ZNF277: variants seen among roughly 807,000 people sequenced by gnomAD.
ZNF277 encodes the protein zinc finger protein 277, also known as nuclear receptor-interacting factor 4.
In ZNF277, 55 loss-of-function variants were observed where a neutral mutation model predicts 60.7. The observed-to-expected ratio is 0.91, with a 90% CI of 0.73 to 1.13. ZNF277 has a LOEUF of 1.13. Among genes scored for constraint, ZNF277 ranks in the 50% most tolerant of loss-of-function variants. The pLI is 0.00. For missense variants in ZNF277, 510 were observed against 523.0 expected, an observed-to-expected ratio of 0.98 and a Z score of 0.24; for synonymous variants, 178 against 179.3, an observed-to-expected ratio of 0.99 and a Z score of 0.06.
chr7:112,281,174 G>A (rs1163153764), intron 1 of ZNF277, among the ~76,000 whole-genome samples: 1 of 152,190 alleles, frequency 6.6e-6, no homozygotes, highest in Non-Finnish European at 1.5e-5. Flanking sequence ...CACAATCCTC[G>A]TGTGATCATC....
chr7:112,318,762 G>A (rs186645251), intron 5 of ZNF277, among the ~76,000 whole-genome samples: 5 of 152,028 alleles, frequency 3.3e-5, no homozygotes, highest in East Asian at 3.9e-4. Context: ...ATATTTAAGG[G>A]CACAGGCTCA....
chr7:112,238,647 C>T (rs1286947381), intron 1 of ZNF277, among the ~76,000 whole-genome samples: 1 of 152,048 alleles, frequency 6.6e-6, no homozygotes, highest in African/African-American at 2.4e-5. Flanking sequence ...GCAGAGACTC[C>T]ATCCTTGGTC....
rs1282300717 is a variant in ZNF277, at chr7:112,330,192, C to T, written c.777C>T (p.Asp259=). Residue 259 remains aspartate (D), a synonymous_variant, in exon 7 of 12, where the codon GAC becomes GAT. Coordinates refer to ENST00000361822, the MANE Select transcript of ZNF277 (RefSeq NM_021994.3). ...RKINPKNREY[D]RFYVINYLEL... ...TTAATCCTAAGAACAGAGAATATGA[C>T]AGATTTTATGTCATCAATTATTTGG... 3.1e-6 allele frequency: 5 copies of T among 1,612,494 alleles called. No homozygotes were observed. The highest frequency in any genetic ancestry group is 1.3e-5 in the African/African-American group (1 of 74,864).
chr7:112,263,373 G>A (rs926782382), intron 1 of ZNF277, among the ~76,000 whole-genome samples: 1 of 152,182 alleles, frequency 6.6e-6, no homozygotes, highest in Non-Finnish European at 1.5e-5. Flanking sequence ...CTGACCCATT[G>A]GGATGAGTTT....
intron 1 of ZNF277, among the ~76,000 whole-genome samples, chr7:112,273,750 C>T (rs563791730): frequency 5.3e-5 from 8 of 151,886 alleles, no homozygotes; most frequent in Non-Finnish European, 7.4e-5. Flanking sequence ...AGCGAGACTC[C>T]GTCTAAAAAA....
At chr7:112,275,541 T>C (rs1791771899) in intron 1 of ZNF277, among the ~76,000 whole-genome samples, 1 of 152,230 alleles carries the variant, frequency 6.6e-6, no homozygotes, top group Non-Finnish European at 1.5e-5. Context: ...CTTGACCATA[T>C]ATGTTTTAAA....
At position 112,339,794 on chromosome 7, in the gene ZNF277, A is replaced by C. The variant is rs763938065; in HGVS notation, c.967-49A>C. 4.5e-6 allele frequency: 7 copies of C among 1,563,672 alleles called. No individual in the cohort carries two copies. In the South Asian group the frequency reaches 7.9e-5, roughly 18 times the overall value. On this transcript the variant is annotated intron_variant, in intron 9 of 11. Transcript: ENST00000361822. ...ATAAGTTGTTTATAACTTCAGCCTG[A>C]AAGATTAAATAATTCATATGCTTAC...
intron 1 of ZNF277, among the ~76,000 whole-genome samples, chr7:112,257,439 A>G (rs1461511741): frequency 6.6e-6 from 1 of 152,216 alleles, no homozygotes; most frequent in Non-Finnish European, 1.5e-5. Context: ...TATAAAATGA[A>G]TGTTTATAGC....
At chr7:112,340,027 C>T (rs926049581) in intron 10 of ZNF277, 142 bp downstream of exon 10, 1 of 752,906 alleles carries the variant, frequency 1.3e-6, no homozygotes, top group Non-Finnish European at 2.2e-6. Context: ...ACAGAACTCT[C>T]TGTGAAGCAG....
chr7:112,216,402 T>C (rs1477119693), intron 1 of ZNF277, among the ~76,000 whole-genome samples: 1 of 152,232 alleles, frequency 6.6e-6, no homozygotes, highest in Admixed American at 6.5e-5. Context: ...CTCTGCTTCC[T>C]GGGCTCAAGC....
intron 4 of ZNF277, among the ~76,000 whole-genome samples, chr7:112,313,003 T>C (rs564276227): frequency 5.9e-5 from 9 of 152,278 alleles, no homozygotes; most frequent in African/African-American, 2.2e-4. Context: ...ATCTTTGTTG[T>C]TATTTTAAGA....
intron 7 of ZNF277, among the ~76,000 whole-genome samples, chr7:112,335,377 C>T (rs1181811842): frequency 6.6e-6 from 1 of 152,002 alleles, no homozygotes; most frequent in Non-Finnish European, 1.5e-5. Context: ...AAGAAACGGC[C>T]CAAGGGGAAC....
intron 1 of ZNF277, among the ~76,000 whole-genome samples, chr7:112,234,178 A>G (rs910031171): frequency 6.6e-6 from 1 of 152,120 alleles, no homozygotes; most frequent in Non-Finnish European, 1.5e-5. Flanking sequence ...CCATCCTTGT[A>G]TTTCTTAAAA....
chr7:112,295,791 T>C (rs1381305911), intron 2 of ZNF277, 78 bp from the exon 3 acceptor site: 3 of 1,126,050 alleles, frequency 2.7e-6, no homozygotes, highest in Non-Finnish European at 4.0e-6. Flanking sequence ...TGAGTGAATG[T>C]GCTTATAGAT....
chr7:112,256,288 A>G (rs1239211148), intron 1 of ZNF277, among the ~76,000 whole-genome samples: 1 of 152,154 alleles, frequency 6.6e-6, no homozygotes, highest in Non-Finnish European at 1.5e-5. Flanking sequence ...TGTCTTATAC[A>G]TAGAAATAAG....
chr7:112,301,683 C>T (rs1490029568), intron 4 of ZNF277, among the ~76,000 whole-genome samples: 1 of 152,166 alleles, frequency 6.6e-6, no homozygotes, highest in East Asian at 1.9e-4. Context: ...CCATATGCCA[C>T]CTGTCAAAAT....
Position 112,315,873 on chromosome 7 carries a change from G to A in ZNF277, c.466-2309G>A, listed in dbSNP as rs79741819. 6.0e-3 allele frequency among the ~76,000 whole-genome samples: 913 copies of A among 152,162 alleles called. 15 individuals are homozygous for A. Among genetic ancestry groups the A allele is most frequent in the African/African-American group, 0.02 (823 of 41,532 alleles). On this transcript the variant is annotated intron_variant, in intron 4 of 11. Coordinates refer to ENST00000361822, the MANE Select transcript of ZNF277 (RefSeq NM_021994.3). The stretch of plus-strand genomic sequence containing the variant: ...TTGAATTCATCTCAATGAGGCTTCC[G>A]TGTGGGTATTTTGTAAGAAAGATTT...
rs550473878 is a variant in ZNF277 at position 112,286,026 on chromosome 7, G to A, written c.92-847G>A. 5.0e-3 allele frequency among the ~76,000 whole-genome samples: 759 copies of A among 152,226 alleles called. 2 individuals carry two copies. Among genetic ancestry groups the A allele is most frequent in the Non-Finnish European group, 8.5e-3 (576 of 68,034 alleles). On this transcript the variant is annotated intron_variant, in intron 1 of 11. Transcript: ENST00000361822. ...CTAACTACTAAATAGCCTGTATAAGGTGACAGGTGTAGACGTCCACTCTGG... is the reference window on the plus strand; with the variant it reads ...CTAACTACTAAATAGCCTGTATAAGATGACAGGTGTAGACGTCCACTCTGG...
At chr7:112,211,579 A>C (rs1337399868) in intron 1 of ZNF277, among the ~76,000 whole-genome samples, 2 of 152,228 alleles carry the variant, frequency 1.3e-5, no homozygotes, top group Non-Finnish European at 2.9e-5. Flanking sequence ...CTTCCTGTTG[A>C]TCTCACTGAC....
Sources: allele counts gnomAD v4.1 joint callset (sites outside exome capture counted in the v4.1 genomes callset), GRCh38; gene constraint gnomAD v4.1.1; transcripts MANE v1.5; gene names NCBI Gene and HGNC (gene_info 2026-07-23, HGNC 2026-07-21).